SERGEF: variants seen among roughly 807,000 people sequenced by gnomAD.
The protein encoded by SERGEF is secretion regulating guanine nucleotide exchange factor.
In SERGEF, 51 loss-of-function variants were observed where a neutral mutation model predicts 50.0. That is an observed-to-expected ratio of 1.02 (90% CI 0.81 to 1.29). The LOEUF is 1.29. SERGEF is among the 50% of genes most tolerant of loss of function. The probability of loss-of-function intolerance (pLI) is 0.00; values close to 1 mark genes in which losing one functional copy is unlikely to be tolerated. For synonymous variants in SERGEF, 205 were observed against 212.4 expected, an observed-to-expected ratio of 0.97 and a Z score of 0.30; for missense variants, 521 against 557.0, an observed-to-expected ratio of 0.94 and a Z score of 0.65.
At chr11:18,005,123 A>G (rs1409526001) in intron 3 of SERGEF, among the ~76,000 whole-genome samples, 1 of 152,230 alleles carries the variant, frequency 6.6e-6, no homozygotes, top group African/African-American at 2.4e-5. Flanking sequence ...ACCAGTGAAA[A>G]GCCAATAGTT....
In SERGEF at chr11:17,937,676, A is replaced by G. The variant is rs569522171; in HGVS notation, c.1011+21794T>C. Among the ~76,000 whole-genome samples, 214 of 152,340 alleles carry G rather than the reference A, an allele frequency of 1.4e-3. 1 individual carries two copies. Among genetic ancestry groups the G allele is most frequent in the Middle Eastern group, 0.01 (3 of 294 alleles). Reference sequence around the variant, plus strand: ...CACACTTTCTATAACATGAAATTTAATATTATTTTTAAAAATTCCTGTCCT... The same window carrying G: ...CACACTTTCTATAACATGAAATTTAGTATTATTTTTAAAAATTCCTGTCCT... On this transcript the variant is annotated intron_variant, in intron 9 of 10. Coordinates refer to ENST00000265965, the MANE Select transcript of SERGEF (RefSeq NM_012139.4).
chr11:18,006,480 G>A (rs1434773913), intron 3 of SERGEF, 111 bp downstream of exon 3: 4 of 1,100,566 alleles, frequency 3.6e-6, no homozygotes, highest in African/African-American at 3.2e-5. Context: ...CAGGCCTTAT[G>A]TGTGCTTTTT....
chr11:17,895,676 AT>A (rs1182854523), intron 9 of SERGEF, among the ~76,000 whole-genome samples: 5 of 152,170 alleles, frequency 3.3e-5, no homozygotes, highest in African/African-American at 1.2e-4. Flanking sequence ...AAGTTTATTT[AT>A]TTTTTTAGGT....
At chr11:17,986,717 T>C (rs1283348341) in intron 8 of SERGEF, among the ~76,000 whole-genome samples, 3 of 152,226 alleles carry the variant, frequency 2.0e-5, no homozygotes, top group Non-Finnish European at 2.9e-5. Context: ...CATTTGGTAG[T>C]AAGTGTATTT....
intron 8 of SERGEF, among the ~76,000 whole-genome samples, chr11:17,984,257 T>C (rs1469045880): frequency 6.6e-6 from 1 of 152,212 alleles, no homozygotes; most frequent in Non-Finnish European, 1.5e-5. Flanking sequence ...CTTATGGTTC[T>C]GTAGGCTGTA....
At chr11:17,986,817 C>A (rs901417421) in intron 8 of SERGEF, among the ~76,000 whole-genome samples, 1 of 152,182 alleles carries the variant, frequency 6.6e-6, no homozygotes, top group Non-Finnish European at 1.5e-5. Context: ...AATTTCTATG[C>A]GACTTTTGCC....
chr11:17,854,971 G>C, intron 10 of SERGEF: 1 of 152,094 alleles, frequency 6.6e-6, no homozygotes, highest in East Asian at 1.9e-4. Context: ...ATCTACATAG[G>C]GAAACTGAGG....
At chr11:17,809,750 G>A (rs1190365752) in intron 10 of SERGEF, among the ~76,000 whole-genome samples, 2 of 145,980 alleles carry the variant, frequency 1.4e-5, no homozygotes, top group Non-Finnish European at 1.5e-5. Context: ...GGGGTGAGAG[G>A]AGTCAGATAG....
intron 9 of SERGEF, among the ~76,000 whole-genome samples, chr11:17,891,250 T>A (rs1163677903): frequency 6.6e-6 from 1 of 152,030 alleles, no homozygotes; most frequent in African/African-American, 2.4e-5. Flanking sequence ...AAAAAAAAGT[T>A]GTAGAGATGC....
chr11:17,957,421 GA>G (rs548890269), intron 9 of SERGEF, among the ~76,000 whole-genome samples: 5 of 152,106 alleles, frequency 3.3e-5, no homozygotes, highest in Non-Finnish European at 2.9e-5. Context: ...TAGAGACTCG[GA>G]AAAATCTAAG....
At chr11:17,950,874 C>T (rs142468803) in intron 9 of SERGEF, among the ~76,000 whole-genome samples, 30 of 152,264 alleles carry the variant, frequency 2.0e-4, no homozygotes, top group Admixed American at 1.1e-3. Context: ...AAGCCTGGGG[C>T]GGTTGTACCT....
At chr11:17,796,912 A>G (rs908960787) in intron 10 of SERGEF, among the ~76,000 whole-genome samples, 11 of 152,220 alleles carry the variant, frequency 7.2e-5, no homozygotes, top group African/African-American at 2.4e-4. Context: ...GGTCCCCTTC[A>G]CACCAAGATC....
chr11:17,844,756 T>C (rs1272484104), intron 10 of SERGEF, among the ~76,000 whole-genome samples: 5 of 152,144 alleles, frequency 3.3e-5, no homozygotes, highest in Non-Finnish European at 7.4e-5. Context: ...ATTCCTTTCA[T>C]TGGCTACATG....
chr11:17,869,957 G>A (rs1157365233), intron 10 of SERGEF, among the ~76,000 whole-genome samples: 1 of 152,148 alleles, frequency 6.6e-6, no homozygotes, highest in East Asian at 1.9e-4. Context: ...ATCTTGAATT[G>A]TAATACCCAT....
chr11:18,004,402 T>C, intron 4 of SERGEF, 39 bp downstream of exon 4: 2 of 1,468,818 alleles, frequency 1.4e-6, no homozygotes, highest in Non-Finnish European at 1.9e-6. Context: ...GGAAACACTT[T>C]AACAGGTCAT....
At chr11:17,948,239 T>G (rs1352108973) in intron 9 of SERGEF, among the ~76,000 whole-genome samples, 5 of 152,226 alleles carry the variant, frequency 3.3e-5, no homozygotes, top group Admixed American at 3.3e-4. Context: ...AAAACGTACA[T>G]TTGTTTATTG....
chr11:18,012,737 C>T, intron 1 of SERGEF: 1 of 1,353,758 alleles, frequency 7.4e-7, no homozygotes, highest in Non-Finnish European at 9.8e-7. Context: ...ACCCCGCCAG[C>T]CGGCAGGCCC....
chr11:17,978,412 A>C (rs141324696), intron 8 of SERGEF, among the ~76,000 whole-genome samples: 1 of 152,328 alleles, frequency 6.6e-6, no homozygotes, highest in East Asian at 1.9e-4. Flanking sequence ...TCCATTGCAC[A>C]GTGTGATGGG....
At chr11:17,874,802 G>C (rs1234482435) in intron 10 of SERGEF, among the ~76,000 whole-genome samples, 2 of 152,124 alleles carry the variant, frequency 1.3e-5, no homozygotes, top group Non-Finnish European at 2.9e-5. Context: ...AATCCATCCT[G>C]CAGCTATGCT....
Sources: allele counts gnomAD v4.1 joint callset (sites outside exome capture counted in the v4.1 genomes callset), GRCh38; gene constraint gnomAD v4.1.1; transcripts MANE v1.5; gene names NCBI Gene and HGNC (gene_info 2026-07-23, HGNC 2026-07-21).